Variants in PPIL6 observed in about 807,000 individuals in gnomAD.
PPIL6 encodes probable inactive peptidyl-prolyl cis-trans isomerase-like 6.
A neutral mutation model predicts 36.8 loss-of-function variants in PPIL6; 39 were observed. That is an observed-to-expected ratio of 1.06 (90% CI 0.82 to 1.38). The LOEUF is 1.38. PPIL6 is among the 40% of genes most tolerant of loss of function. The pLI is 0.00. For synonymous variants in PPIL6, 123 were observed against 134.1 expected (o/e 0.92, Z 0.57); for missense variants, 368 against 379.1 (o/e 0.97, Z 0.24).
chr6:109,440,569 C>T lies in PPIL6; in HGVS notation c.22G>A (p.Gly8Arg), dbSNP rs1582619725. 2.8e-6 allele frequency: 4 copies of T among 1,436,116 alleles called. No individual in the cohort carries two copies. Among genetic ancestry groups the T allele is most frequent in the African/African-American group, 1.5e-5 (1 of 65,978 alleles). The allele number at this position is 1,436,116 out of a possible 1,614,324, so 89.0% of individuals were successfully genotyped here. Reference sequence around the variant, plus strand: ...GAGCCGCACCTAGCGTGCGGGGGCCCGCACGGCTGCGGCCTTGCCATGGCC... The same window carrying T: ...GAGCCGCACCTAGCGTGCGGGGGCCTGCACGGCTGCGGCCTTGCCATGGCC... MARPQPC[G>R]PPHARCGSPS... Residue 8 changes from glycine (G) to arginine (R), a missense_variant, in exon 1 of 8, where the codon GGG (glycine) becomes AGG (arginine). Gly to Arg is a moderately radical substitution (Grantham distance 125). Transcript: ENST00000521072.
At chr6:109,420,582 C>T (rs1269780193) in intron 5 of PPIL6, among the ~76,000 whole-genome samples, 1 of 152,116 alleles carries the variant, frequency 6.6e-6, no homozygotes, top group Non-Finnish European at 1.5e-5. Flanking sequence ...CTATCCACAG[C>T]TAAAAGAGGA....
chr6:109,405,163 T>C, intron 6 of PPIL6: 1 of 244,438 alleles, frequency 4.1e-6, no homozygotes, highest in South Asian at 3.7e-5. Context: ...GCATATACCC[T>C]TTTAACTACC....
rs999516116 is a variant in PPIL6, at chr6:109,392,012, A to G, written c.*814T>C. The stretch of plus-strand genomic sequence containing the variant: ...AGGCTATCAGGTGTGTTGCTAAATT[A>G]AGAATTTTTTGTCCACAAGTAACAA... On this transcript the variant is annotated 3_prime_UTR_variant, in exon 8 of 8. Transcript: ENST00000521072. 1.3e-5 allele frequency: 2 copies of G among 152,208 alleles called. No individual in the cohort carries two copies. The highest frequency in any genetic ancestry group is 2.9e-5 in the Non-Finnish European group (2 of 68,042). 9.4% of individuals were successfully genotyped at this position (152,208 alleles called of 1,614,324 possible).
rs759611663 is a variant in PPIL6, at chr6:109,436,097, C to T, written c.231+7G>A. ...TCTATATCCCCCACACCCCAAATAT[C>T]CTTTACCCTTTTTTTCTCCTGTAGA... On this transcript the variant is annotated splice_region_variant and intron_variant, in intron 2 of 7. Coordinates refer to ENST00000521072, the MANE Select transcript of PPIL6 (RefSeq NM_173672.5). 2 of 1,471,888 alleles carry T rather than the reference C, an allele frequency of 1.4e-6. No homozygotes were observed. Among genetic ancestry groups the T allele is most frequent in the Admixed American group, 1.7e-5 (1 of 59,670 alleles). The allele number at this position is 1,471,888 out of a possible 1,614,324, so 91.2% of individuals were successfully genotyped here.
chr6:109,432,920 C>A (rs1774231953), intron 2 of PPIL6, among the ~76,000 whole-genome samples: 1 of 152,106 alleles, frequency 6.6e-6, no homozygotes, highest in Admixed American at 6.5e-5. Flanking sequence ...CTTCCTATGC[C>A]CTTATCAAAA....
chr6:109,394,294 A>C (rs1390430171), intron 7 of PPIL6, among the ~76,000 whole-genome samples: 1 of 148,402 alleles, frequency 6.7e-6, no homozygotes, highest in Non-Finnish European at 1.5e-5. Flanking sequence ...AATTGCTTCA[A>C]CCCAGGAGGT....
At chr6:109,435,985 G>C (rs1774424448) in intron 2 of PPIL6, 119 bp downstream of exon 2, 3 of 738,276 alleles carry the variant, frequency 4.1e-6, no homozygotes, top group Non-Finnish European at 7.4e-6. Context: ...ACGTAATGTA[G>C]AGAAATAAAA....
intron 6 of PPIL6, among the ~76,000 whole-genome samples, chr6:109,416,200 CTT>C (rs35427534): frequency 1.2e-3 from 131 of 112,464 alleles, no homozygotes; most frequent in African/African-American, 2.7e-3. Context: ...TCTTTTGTGG[CTT>C]TTTTTTTTTT....
intron 6 of PPIL6, among the ~76,000 whole-genome samples, chr6:109,417,182 A>G (rs909180150): frequency 6.6e-6 from 1 of 151,736 alleles, no homozygotes; most frequent in Non-Finnish European, 1.5e-5. Context: ...AAAAAAAAAA[A>G]AAAGAAAAAA....
chr6:109,404,539 C>A (rs191428533), intron 6 of PPIL6, among the ~76,000 whole-genome samples: 6 of 152,368 alleles, frequency 3.9e-5, no homozygotes, highest in Admixed American at 3.9e-4. Flanking sequence ...GTTTTAACAT[C>A]TGTCTGCACA....
intron 5 of PPIL6, among the ~76,000 whole-genome samples, chr6:109,421,875 C>A (rs1439360833): frequency 1.3e-5 from 2 of 151,652 alleles, no homozygotes; most frequent in African/African-American, 2.4e-5. Context: ...TCTGTCTCTA[C>A]AAAAAAAATT....
At chr6:109,421,555 T>G (rs1242306222) in intron 5 of PPIL6, among the ~76,000 whole-genome samples, 1 of 151,886 alleles carries the variant, frequency 6.6e-6, no homozygotes, top group Non-Finnish European at 1.5e-5. Context: ...CCCTTCTCAT[T>G]ATCATCATCT....
intron 3 of PPIL6, among the ~76,000 whole-genome samples, chr6:109,427,367 T>C (rs976039311): frequency 2.0e-5 from 3 of 152,140 alleles, no homozygotes; most frequent in African/African-American, 7.2e-5. Context: ...CACATTTTAA[T>C]TTTTATTATT....
chr6:109,425,584 T>TA (rs1253615719), intron 5 of PPIL6, among the ~76,000 whole-genome samples: 5 of 151,700 alleles, frequency 3.3e-5, no homozygotes, highest in Non-Finnish European at 7.4e-5. Context: ...CTGTCTCTAC[T>TA]AAAAAAATAC....
intron 6 of PPIL6, among the ~76,000 whole-genome samples, chr6:109,401,026 A>ATTTTTTTTTTTTT (rs749611966): frequency 4.2e-4 from 48 of 114,920 alleles, no homozygotes; most frequent in African/African-American, 7.0e-4. Context: ...TGCCCGGCTA[A>ATTTTTTTTTTTTT]TTTTTTTTTT....
chr6:109,392,852 TAA>T lies in PPIL6; in HGVS notation c.908_909del (p.Ile303AsnfsTer2), dbSNP rs1554218164. ...QNERPIHMCRITDSGDPYA is the reference protein window; with the variant it reads ...QNERPIHMCRXTDSGDPYA ...CAAGCATAAGGATCTCCACTGTCAG[TAA>T]TTCTACACATATGTATTGGTCTTTC... On this transcript the variant is annotated frameshift_variant, in exon 8 of 8. Coordinates refer to ENST00000521072, the MANE Select transcript of PPIL6 (RefSeq NM_173672.5). LOFTEE classifies it high-confidence loss of function. 1 of 1,589,510 alleles carries T rather than the reference TAA, an allele frequency of 6.3e-7. No individual in the cohort carries two copies. The highest frequency in any genetic ancestry group is 8.6e-7 in the Non-Finnish European group (1 of 1,161,100).
chr6:109,402,725 A>C (rs1315091120), intron 6 of PPIL6, among the ~76,000 whole-genome samples: 2 of 152,122 alleles, frequency 1.3e-5, no homozygotes, highest in East Asian at 3.9e-4. Flanking sequence ...AAGTGTGAAA[A>C]CTAAACGACT....
In PPIL6 at chr6:109,401,026, A is replaced by ATTTTT. The variant is rs749611966; in HGVS notation, c.689-861_689-857dup. ...AGGCGCCCGCCACCATGCCCGGCTA[A>ATTTTT]TTTTTTTTTTTTTTTTTTTTTTTGT... On this transcript the variant is annotated intron_variant, in intron 6 of 7. Coordinates refer to ENST00000521072, the MANE Select transcript of PPIL6 (RefSeq NM_173672.5). 4.4e-4 allele frequency among the ~76,000 whole-genome samples: 50 copies of ATTTTT among 114,942 alleles called. 2 individuals are homozygous for ATTTTT. Among genetic ancestry groups the ATTTTT allele is most frequent in the African/African-American group, 1.5e-3 (41 of 26,926 alleles). 75.4% of individuals were successfully genotyped at this position (114,942 alleles called of 152,430 possible). A position where few individuals can be genotyped will look rare whatever the true frequency, so the allele number is the denominator to read the frequency against.
In PPIL6 at chr6:109,430,114, T is replaced by C. The variant is rs376096165; in HGVS notation, c.420+1043A>G. 3.9e-5 allele frequency among the ~76,000 whole-genome samples: 6 copies of C among 152,374 alleles called. No individual in the cohort carries two copies. The East Asian group carries it at 1.2e-3, about 29-fold the overall frequency. On this transcript the variant is annotated intron_variant, in intron 3 of 7. Coordinates refer to ENST00000521072, the MANE Select transcript of PPIL6 (RefSeq NM_173672.5). ...TCAAACATGCACTGAGCACCTATTA[T>C]GTTTCAGGTCTGTTTGAGCAGTGGT...
Sources: gnomAD v4.1 joint callset for allele counts (sites outside exome capture counted in the v4.1 genomes callset) on GRCh38, gnomAD v4.1.1 for gene constraint, MANE v1.5 for transcripts, NCBI Gene and HGNC (gene_info 2026-07-23, HGNC 2026-07-21) for gene names.